The following ANO5 variants were observed in gnomAD, a reference collection of about 807,000 sequenced individuals.
ANO5 encodes anoctamin-5.
In ANO5, 109 loss-of-function variants were observed where a neutral mutation model predicts 121.0. The ratio of observed to expected loss-of-function variants is 0.90; its 90% CI spans 0.77 to 1.06. ANO5 has a LOEUF of 1.06. Among genes scored for constraint, ANO5 ranks in the 50% least tolerant of loss-of-function variants. The probability of loss-of-function intolerance (pLI) is 0.00; values close to 1 mark genes in which losing one functional copy is unlikely to be tolerated. For synonymous variants in ANO5, 406 were observed against 359.9 expected, an observed-to-expected ratio of 1.13 and a Z score of -1.45; for missense variants, 1,064 against 1,078.5, an observed-to-expected ratio of 0.99 and a Z score of 0.19.
intron 7 of ANO5, among the ~76,000 whole-genome samples, chr11:22,234,633 C>T (rs1853153894): frequency 6.6e-6 from 1 of 152,078 alleles, no homozygotes; most frequent in African/African-American, 2.4e-5. Context: ...GTTTTGAAGA[C>T]CCCTTTGTAC....
chr11:22,240,319 A>G (rs1853387686), intron 9 of ANO5, among the ~76,000 whole-genome samples: 1 of 152,030 alleles, frequency 6.6e-6, no homozygotes, highest in South Asian at 2.1e-4. Flanking sequence ...ACAAGATATT[A>G]GGAGACATAT....
At chr11:22,196,415 A>G (rs920085187) in intron 1 of ANO5, among the ~76,000 whole-genome samples, 46 of 152,136 alleles carry the variant, frequency 3.0e-4, no homozygotes, top group African/African-American at 1.1e-3. Context: ...TAATACCATT[A>G]CAATGACAGT....
At position 22,273,127 on chromosome 11, in the gene ANO5, G is replaced by A. The variant is rs77581966; in HGVS notation, c.2235+138G>A. 3,999 of 908,584 alleles carry A rather than the reference G, an allele frequency of 4.4e-3. 123 individuals are homozygous for A. In the African/African-American group the frequency reaches 0.058, roughly 13 times the overall value. The allele number at this position is 908,584 out of a possible 1,614,324, so 56.3% of individuals were successfully genotyped here. A position where few individuals can be genotyped will look rare whatever the true frequency, so the allele number is the denominator to read the frequency against. The stretch of plus-strand genomic sequence containing the variant: ...CTAAAACATTCCGAAATTGTTATGC[G>A]CTAACCAATATAGAAAAACCTATGT... On this transcript the variant is annotated intron_variant, in intron 19 of 21. Coordinates refer to ENST00000324559, the MANE Select transcript of ANO5 (RefSeq NM_213599.3).
intron 5 of ANO5, among the ~76,000 whole-genome samples, chr11:22,221,626 C>T (rs1852654506): frequency 6.6e-6 from 1 of 151,878 alleles, no homozygotes; most frequent in Admixed American, 6.6e-5. Flanking sequence ...TTGTATTACA[C>T]ATCACTTTAT....
intron 13 of ANO5, among the ~76,000 whole-genome samples, chr11:22,257,036 T>C (rs771874709): frequency 5.3e-5 from 8 of 151,926 alleles, no homozygotes; most frequent in Non-Finnish European, 1.0e-4. Context: ...AAATATTATG[T>C]TATGGAATTA....
At chr11:22,236,051 A>G (rs1853204822) in intron 7 of ANO5, 112 bp from the exon 8 acceptor site, 1 of 741,394 alleles carries the variant, frequency 1.3e-6, no homozygotes, top group Middle Eastern at 2.4e-4. Context: ...TCTTTCTATA[A>G]TTAGAGCCTG....
At position 22,225,524 on chromosome 11, in the gene ANO5, A is replaced by G. The variant is rs116762536; in HGVS notation, c.295-460A>G. On this transcript the variant is annotated intron_variant, in intron 5 of 21. Transcript: ENST00000324559. ...GTGGTTATTTTCAGTAATGACCTAT[A>G]GTTAAATGTAAGTTTACTTTTTGCT... is the stretch of plus-strand genomic sequence containing the variant. Among the ~76,000 whole-genome samples, 652 of 152,226 alleles carry G rather than the reference A, an allele frequency of 4.3e-3. 3 individuals carry two copies. The highest frequency in any genetic ancestry group is 0.015 in the African/African-American group (615 of 41,560).
intron 12 of ANO5, among the ~76,000 whole-genome samples, chr11:22,254,148 C>T (rs1365690346): frequency 2.0e-5 from 3 of 151,932 alleles, no homozygotes; most frequent in East Asian, 3.9e-4. Context: ...AAAAAAACAA[C>T]AGTCAGATGA....
Position 22,281,357 on chromosome 11 carries a change from G to A in ANO5, c.*1592G>A, listed in dbSNP as rs1855069797. The A allele has an allele frequency of 6.6e-6, 1 of 152,046 alleles. No individual in the cohort carries two copies. The highest frequency in any genetic ancestry group is 2.4e-5 in the African/African-American group (1 of 41,450). 9.4% of individuals were successfully genotyped at this position (152,046 alleles called of 1,614,324 possible). On this transcript the variant is annotated 3_prime_UTR_variant, in exon 22 of 22. Transcript: ENST00000324559. ...GTAAGCATACAGAACTGGGGATTAT[G>A]GATTTTATAAACTATGAGACAGTCA...
At chr11:22,262,507 T>C (rs1273043740) in intron 16 of ANO5, among the ~76,000 whole-genome samples, 1 of 152,204 alleles carries the variant, frequency 6.6e-6, no homozygotes, top group Non-Finnish European at 1.5e-5. Context: ...ATTATGCCTA[T>C]GGTTTAGCAG....
At chr11:22,270,258 G>C (rs1854557765) in intron 17 of ANO5, 54 bp from the exon 18 acceptor site, 3 of 1,601,692 alleles carry the variant, frequency 1.9e-6, no homozygotes, top group African/African-American at 2.7e-5. Flanking sequence ...CTGATTCTCT[G>C]ATCGCTTTCT....
rs1853217573 is a variant in ANO5, at chr11:22,236,283, ATAG to A, written c.762+8_762+10del. On this transcript the variant is annotated splice_region_variant and intron_variant, in intron 8 of 21. Coordinates refer to ENST00000324559, the MANE Select transcript of ANO5 (RefSeq NM_213599.3). The stretch of plus-strand genomic sequence containing the variant: ...TGCCTATCCACTCCATGATGTATGT[ATAG>A]GTTTGATTGTGAAAATCTGAGCTTA... 1.3e-6 allele frequency: 2 copies of A among 1,592,956 alleles called. No individual in the cohort carries two copies.
chr11:22,254,147 A>G (rs536328484), intron 12 of ANO5, among the ~76,000 whole-genome samples: 1 of 152,304 alleles, frequency 6.6e-6, no homozygotes, highest in African/African-American at 2.4e-5. Flanking sequence ...CAAAAAAACA[A>G]CAGTCAGATG....
intron 5 of ANO5, among the ~76,000 whole-genome samples, chr11:22,222,301 T>G (rs568636340): frequency 1.3e-5 from 2 of 152,126 alleles, no homozygotes; most frequent in South Asian, 4.1e-4. Flanking sequence ...TCACTGTCCG[T>G]CTTTCCAGCA....
chr11:22,213,353 G>A (rs1852341575), intron 3 of ANO5, among the ~76,000 whole-genome samples: 1 of 151,710 alleles, frequency 6.6e-6, no homozygotes, highest in Non-Finnish European at 1.5e-5. Flanking sequence ...ACAGTTTCAT[G>A]TACTTCTTTT....
At chr11:22,262,510 T>C (rs1854223265) in intron 16 of ANO5, among the ~76,000 whole-genome samples, 1 of 152,184 alleles carries the variant, frequency 6.6e-6, no homozygotes. Flanking sequence ...ATGCCTATGG[T>C]TTAGCAGTAA....
intron 2 of ANO5, among the ~76,000 whole-genome samples, chr11:22,208,119 G>T (rs990764303): frequency 5.9e-5 from 9 of 152,014 alleles, no homozygotes; most frequent in Non-Finnish European, 1.3e-4. Flanking sequence ...AAACTGTTGG[G>T]CAGTTTCTTA....
At chr11:22,253,169 C>T (rs1472121472) in intron 12 of ANO5, among the ~76,000 whole-genome samples, 1 of 152,030 alleles carries the variant, frequency 6.6e-6, no homozygotes, top group Non-Finnish European at 1.5e-5. Flanking sequence ...ACCAAGGGTC[C>T]CTTTAATTTC....
At chr11:22,274,472 T>C in intron 19 of ANO5, 97 bp from the exon 20 acceptor site, 2 of 1,115,180 alleles carry the variant, frequency 1.8e-6, no homozygotes, top group Non-Finnish European at 2.5e-6. Flanking sequence ...TCATTTTGCA[T>C]CTATATAATT....
Sources: gnomAD v4.1 joint callset for allele counts (sites outside exome capture counted in the v4.1 genomes callset) on GRCh38, gnomAD v4.1.1 for gene constraint, MANE v1.5 for transcripts, NCBI Gene and HGNC (gene_info 2026-07-23, HGNC 2026-07-21) for gene names.